PXT1: variants seen among roughly 807,000 people sequenced by gnomAD.
The protein encoded by PXT1 is peroxisomal testis-specific protein 1.
A neutral mutation model predicts 11.0 loss-of-function variants in PXT1; 11 were observed. That is an observed-to-expected ratio of 1.00 (90% CI 0.63 to 1.66). The LOEUF is 1.66. Ranked by LOEUF, PXT1 falls within the 40% of genes most tolerant of loss-of-function variation. The pLI, the probability that PXT1 is intolerant of heterozygous loss-of-function variation, is 0.00. For synonymous variants in PXT1, 43 were observed against 51.4 expected (o/e 0.84, Z 0.70); for missense variants, 141 against 155.5 (o/e 0.91, Z 0.49).
chr6:36,433,377 T>G (rs1320112337), intron 2 of PXT1, among the ~76,000 whole-genome samples: 1 of 152,060 alleles, frequency 6.6e-6, no homozygotes, highest in East Asian at 1.9e-4. Flanking sequence ...ACAAAAAAAG[T>G]GCTCCAAAAG....
chr6:36,408,168 G>T (rs1176119229), intron 3 of PXT1, among the ~76,000 whole-genome samples: 3 of 151,122 alleles, frequency 2.0e-5, no homozygotes, highest in Non-Finnish European at 2.9e-5. Context: ...CACTATGTTG[G>T]TCAGGCTGGT....
intron 2 of PXT1, among the ~76,000 whole-genome samples, chr6:36,438,408 T>TTTG (rs952161569): frequency 1.3e-5 from 2 of 152,188 alleles, no homozygotes; most frequent in Admixed American, 6.6e-5. Context: ...AACACTATGT[T>TTTG]TTGTTGTTGT....
intron 4 of PXT1, among the ~76,000 whole-genome samples, chr6:36,398,972 G>C (rs1273993917): frequency 6.6e-6 from 1 of 152,118 alleles, no homozygotes; most frequent in Non-Finnish European, 1.5e-5. Flanking sequence ...GCTGCTCACT[G>C]CTGTAGCCAC....
At chr6:36,426,648 G>C (rs1386266907) in intron 2 of PXT1, among the ~76,000 whole-genome samples, 1 of 152,110 alleles carries the variant, frequency 6.6e-6, no homozygotes, top group Non-Finnish European at 1.5e-5. Context: ...GGGATTACAG[G>C]CGTGAGCCAC....
chr6:36,435,638 A>G (rs1774751813), intron 2 of PXT1, among the ~76,000 whole-genome samples: 2 of 152,152 alleles, frequency 1.3e-5, no homozygotes, highest in South Asian at 4.1e-4. Flanking sequence ...CAGGATGAAA[A>G]GGCCCAGAAC....
chr6:36,430,142 G>A (rs376512739), intron 2 of PXT1, among the ~76,000 whole-genome samples: 2 of 152,058 alleles, frequency 1.3e-5, no homozygotes, highest in Non-Finnish European at 2.9e-5. Context: ...GGGAAGCAGA[G>A]GTTGCAGTGG....
intron 4 of PXT1, among the ~76,000 whole-genome samples, chr6:36,395,565 C>T (rs1267660442): frequency 1.5e-5 from 2 of 137,742 alleles, no homozygotes; most frequent in Non-Finnish European, 3.0e-5. Flanking sequence ...TGCAGTGGCA[C>T]GATCACAGCT....
Position 36,391,518 on chromosome 6 carries a change from G to T in PXT1, c.*252C>A. The T allele has an allele frequency of 2.1e-6, 1 of 469,484 alleles. No individual in the cohort carries two copies. The highest frequency in any genetic ancestry group is 3.8e-6 in the Non-Finnish European group (1 of 264,004). The allele number at this position is 469,484 out of a possible 1,614,324, so 29.1% of individuals were successfully genotyped here. On this transcript the variant is annotated 3_prime_UTR_variant, in exon 5 of 5. Coordinates refer to ENST00000454782, the MANE Select transcript of PXT1 (RefSeq NM_152990.4). ...GCGCTGGTGTTTTCTGGGCAGCAAG[G>T]CTTCCTGGGGTCCTAATTACTCCTT...
chr6:36,432,221 G>C (rs1774702893), intron 2 of PXT1, among the ~76,000 whole-genome samples: 1 of 152,142 alleles, frequency 6.6e-6, no homozygotes, highest in African/African-American at 2.4e-5. Flanking sequence ...CTTGGAATTA[G>C]CCTGGAGGGA....
At chr6:36,398,823 T>C (rs1473509903) in intron 4 of PXT1, among the ~76,000 whole-genome samples, 1 of 152,164 alleles carries the variant, frequency 6.6e-6, no homozygotes, top group Non-Finnish European at 1.5e-5. Flanking sequence ...ATGCCTTCCC[T>C]GACAGCCCAT....
At chr6:36,441,446 C>A (rs557794525) in intron 1 of PXT1, among the ~76,000 whole-genome samples, 3 of 152,122 alleles carry the variant, frequency 2.0e-5, no homozygotes, top group Non-Finnish European at 4.4e-5. Context: ...TCAGGTTGAG[C>A]CTGGTGACTA....
At chr6:36,437,514 GTT>G (rs34332467) in intron 2 of PXT1, among the ~76,000 whole-genome samples, 1,294 of 120,094 alleles carry the variant, frequency 0.011, 12 homozygotes, top group African/African-American at 0.033. Flanking sequence ...TTTTGTGTGG[GTT>G]TTTTTTTTTT....
chr6:36,408,142 A>G lies in PXT1; in HGVS notation c.170-7558T>C, dbSNP rs138791239. 4.7e-3 allele frequency among the ~76,000 whole-genome samples: 715 copies of G among 151,014 alleles called. 2 individuals are homozygous for G. The highest frequency in any genetic ancestry group is 6.7e-3 in the Non-Finnish European group (457 of 67,764). ...ACACCCGGCTAATTTTTGTATTTTT[A>G]GTAGAAATAGGGTTTCACTATGTTG... On this transcript the variant is annotated intron_variant, in intron 3 of 4. Coordinates refer to ENST00000454782, the MANE Select transcript of PXT1 (RefSeq NM_152990.4).
intron 3 of PXT1, among the ~76,000 whole-genome samples, chr6:36,405,142 C>T (rs1774270359): frequency 6.6e-6 from 1 of 151,770 alleles, no homozygotes. Flanking sequence ...CTGTGTAGGC[C>T]TAGGCTAATA....
At chr6:36,438,059 A>G (rs1464128674) in intron 2 of PXT1, among the ~76,000 whole-genome samples, 1 of 151,618 alleles carries the variant, frequency 6.6e-6, no homozygotes, top group East Asian at 1.9e-4. Flanking sequence ...ACCTCAGGTG[A>G]TCCACCTGCC....
intron 4 of PXT1, among the ~76,000 whole-genome samples, chr6:36,397,091 A>G (rs573316916): frequency 2.0e-5 from 3 of 152,348 alleles, no homozygotes; most frequent in African/African-American, 4.8e-5. Context: ...GTAACACTCA[A>G]TAAAGCTCAT....
At chr6:36,406,360 G>A (rs1315719127) in intron 3 of PXT1, among the ~76,000 whole-genome samples, 1 of 152,190 alleles carries the variant, frequency 6.6e-6, no homozygotes, top group African/African-American at 2.4e-5. Context: ...GAGACTAAGG[G>A]CATGGGTGGC....
chr6:36,403,705 C>G (rs1283824009), intron 3 of PXT1, among the ~76,000 whole-genome samples: 1 of 151,962 alleles, frequency 6.6e-6, no homozygotes, highest in Admixed American at 6.6e-5. Flanking sequence ...CCATCTCTAC[C>G]AAAAATACAA....
Position 36,416,162 on chromosome 6 carries a change from C to A in PXT1, c.169+9752G>T, listed in dbSNP as rs555442717. Among the ~76,000 whole-genome samples the A allele has an allele frequency of 5.3e-5, 8 of 151,752 alleles. No homozygotes were observed. In the South Asian group the frequency reaches 1.5e-3, roughly 28 times the overall value. ...CCAGCCTGGGCAATATAGACCAAGACCCTGTCTCTACCAAAAAGAAAAGAA... is the reference window on the plus strand; with the variant it reads ...CCAGCCTGGGCAATATAGACCAAGAACCTGTCTCTACCAAAAAGAAAAGAA... On this transcript the variant is annotated intron_variant, in intron 3 of 4. Coordinates refer to ENST00000454782, the MANE Select transcript of PXT1 (RefSeq NM_152990.4).
Sources: gnomAD v4.1 joint callset for allele counts (sites outside exome capture counted in the v4.1 genomes callset) on GRCh38, gnomAD v4.1.1 for gene constraint, MANE v1.5 for transcripts, NCBI Gene and HGNC (gene_info 2026-07-23, HGNC 2026-07-21) for gene names.